The following FIBP variants were observed in gnomAD, a reference collection of about 807,000 sequenced individuals.
The protein encoded by FIBP is acidic fibroblast growth factor intracellular-binding protein.
In FIBP, 29 loss-of-function variants were observed where a neutral mutation model predicts 40.5. The observed-to-expected ratio is 0.72, with a 90% CI of 0.53 to 0.98. The LOEUF is 0.98. Among genes scored for constraint, FIBP ranks in the 50% least tolerant of loss-of-function variants. FIBP has a pLI of 0.00. For synonymous variants in FIBP, 215 were observed against 191.1 expected (o/e 1.13, Z -1.03); for missense variants, 411 against 470.2 (o/e 0.87, Z 1.16).
chr11:65,888,144 AC>A lies in FIBP; in HGVS notation c.86-13del. 1.3e-6 allele frequency: 2 copies of A among 1,550,754 alleles called. No homozygotes were observed. Among genetic ancestry groups the A allele is most frequent in the Non-Finnish European group, 1.7e-6 (2 of 1,150,490 alleles). ...CACCGCGTCGGTCACTGGAAAGCGG[AC>A]GCTAGCATCAGGCCCCGCCCCGCCG... is the stretch of plus-strand genomic sequence containing the variant. On this transcript the variant is annotated splice_polypyrimidine_tract_variant and intron_variant, in intron 1 of 9. Transcript: ENST00000357519.
intron 3 of FIBP, 168 bp from the exon 4 acceptor site, chr11:65,886,590 TG>T (rs1860244323): frequency 1.7e-6 from 1 of 574,340 alleles, no homozygotes; most frequent in Admixed American, 2.9e-5. Context: ...TATTAGTACT[TG>T]TTATCAAATC....
In FIBP at chr11:65,885,639, AAAG is replaced by A; in HGVS notation, c.534_536del (p.Phe179del). 1.9e-6 allele frequency: 3 copies of A among 1,614,118 alleles called. No individual in the cohort carries two copies. The highest frequency in any genetic ancestry group is 2.5e-6 in the Non-Finnish European group (3 of 1,179,962). ...TCCCTGTCTCAAAGCGGTTGTTAGC[AAAG>A]AAGACGATGGCTGCATAGTCCCTGC... On this transcript the variant is annotated inframe_deletion, in exon 5 of 10. Transcript: ENST00000357519.
intron 3 of FIBP, 74 bp downstream of exon 3, chr11:65,887,526 G>A (rs1591079048): frequency 6.6e-7 from 1 of 1,514,168 alleles, no homozygotes; most frequent in Non-Finnish European, 9.1e-7. Flanking sequence ...TCAGAGGCTG[G>A]AACTGGGCCA....
Position 65,883,853 on chromosome 11 carries a change from A to G in FIBP, c.*121T>C. ...ACATCCATCCTTGTACACGGACACC[A>G]GGTGCTCAGAGACAGACACAGGCAC... On this transcript the variant is annotated 3_prime_UTR_variant, in exon 10 of 10. Coordinates refer to ENST00000357519, the MANE Select transcript of FIBP (RefSeq NM_004214.5). The G allele has an allele frequency of 1.2e-6, 1 of 857,970 alleles. No individual in the cohort carries two copies. 53.1% of individuals were successfully genotyped at this position (857,970 alleles called of 1,614,324 possible).
chr11:65,884,402 CGAGGGAGTG>C lies in FIBP; in HGVS notation c.985_993del (p.His329_Leu331del). ...GACAGGGCTGCTCACCGGAAGCCAT[CGAGGGAGTG>C]GACAGACGCTGAATACTGATTCAGG... On this transcript the variant is annotated inframe_deletion, in exon 9 of 10. Transcript: ENST00000357519. 3.7e-6 allele frequency: 6 copies of C among 1,613,850 alleles called. No individual in the cohort carries two copies. Among genetic ancestry groups the C allele is most frequent in the Non-Finnish European group, 5.1e-6 (6 of 1,179,906 alleles).
intron 4 of FIBP, 29 bp downstream of exon 4, chr11:65,886,293 G>T: frequency 6.7e-7 from 1 of 1,498,394 alleles, no homozygotes; most frequent in Non-Finnish European, 9.3e-7. Flanking sequence ...GAAGTAGTGT[G>T]CGGGATGGGG....
At chr11:65,887,811 C>T in intron 2 of FIBP, 85 bp from the exon 3 acceptor site, 2 of 1,595,946 alleles carry the variant, frequency 1.3e-6, no homozygotes, top group Non-Finnish European at 1.7e-6. Flanking sequence ...TAGGTCTGAC[C>T]CCTTCCACTC....
rs1457395324 is a variant in FIBP at position 65,883,970 on chromosome 11, C to T, written c.*4G>A. ...TCAGCGTGGGCGGAGCGTTGGGAGG[C>T]ACCTCAGTCATGATACAGGCGCAGG... is the stretch of plus-strand genomic sequence containing the variant. On this transcript the variant is annotated 3_prime_UTR_variant, in exon 10 of 10. Transcript: ENST00000357519. 6.2e-7 allele frequency: 1 copy of T among 1,613,502 alleles called. No homozygotes were observed. Among genetic ancestry groups the T allele is most frequent in the Non-Finnish European group, 8.5e-7 (1 of 1,179,708 alleles).
intron 7 of FIBP, 27 bp from the exon 8 acceptor site, chr11:65,884,683 T>A: frequency 6.2e-7 from 1 of 1,611,864 alleles, no homozygotes; most frequent in South Asian, 1.1e-5. Flanking sequence ...CTTGGAGCTC[T>A]GCTTTCTGCC....
chr11:65,885,045 C>T, intron 6 of FIBP, 33 bp downstream of exon 6: 1 of 1,613,146 alleles, frequency 6.2e-7, no homozygotes, highest in African/African-American at 1.3e-5. Flanking sequence ...GCCCCTACTG[C>T]AGGCCCCGCC....
At chr11:65,886,737 G>T in intron 3 of FIBP, 1 of 263,614 alleles carries the variant, frequency 3.8e-6, no homozygotes, top group Non-Finnish European at 7.2e-6. Flanking sequence ...TCCTGGCTAA[G>T]CCCTAGAAAC....
chr11:65,884,861 C>A, intron 7 of FIBP, 74 bp downstream of exon 7: 1 of 1,564,290 alleles, frequency 6.4e-7, no homozygotes, highest in Non-Finnish European at 8.8e-7. Flanking sequence ...CTGGCAGGGG[C>A]AGAGCTGCCC....
intron 5 of FIBP, 95 bp from the exon 6 acceptor site, chr11:65,885,281 G>T (rs950476875): frequency 9.2e-7 from 1 of 1,081,694 alleles, no homozygotes; most frequent in Non-Finnish European, 1.4e-6. Flanking sequence ...TCCCCCCTGG[G>T]GACAAAAGAG....
chr11:65,884,917 C>A lies in FIBP; in HGVS notation c.819+18G>T. ...GGCTGAAGATGCCAAGGGTCAGAGG[C>A]TGGATGGGACCACAGACCTTGAAGT... is the stretch of plus-strand genomic sequence containing the variant. On this transcript the variant is annotated intron_variant, in intron 7 of 9. Coordinates refer to ENST00000357519, the MANE Select transcript of FIBP (RefSeq NM_004214.5). 6.2e-7 allele frequency: 1 copy of A among 1,613,958 alleles called. No homozygotes were observed.
At chr11:65,884,105 C>T (rs1860164237) in intron 9 of FIBP, 62 bp from the exon 10 acceptor site, 12 of 1,330,962 alleles carry the variant, frequency 9.0e-6, no homozygotes, top group Non-Finnish European at 1.2e-5. Flanking sequence ...GGAGGCCCTG[C>T]CCTGCGTGCT....
intron 3 of FIBP, chr11:65,887,135 GTAC>G (rs1860256614): frequency 3.1e-6 from 1 of 325,674 alleles, no homozygotes; most frequent in African/African-American, 2.2e-5. Flanking sequence ...TGGCCATACA[GTAC>G]AGGATAGCTT....
chr11:65,884,192 G>A (rs1207369014), intron 9 of FIBP, 149 bp from the exon 10 acceptor site: 2 of 768,416 alleles, frequency 2.6e-6, no homozygotes, highest in South Asian at 3.5e-5. Context: ...TGTACATGAG[G>A]AAACTGAGGC....
intron 9 of FIBP, 71 bp downstream of exon 9, chr11:65,884,321 C>T: frequency 2.1e-6 from 3 of 1,396,228 alleles, no homozygotes; most frequent in Non-Finnish European, 3.0e-6. Context: ...CTTGAGTCTG[C>T]AGGAGGCGAG....
intron 2 of FIBP, 85 bp from the exon 3 acceptor site, chr11:65,887,811 C>G (rs1860278798): frequency 6.3e-7 from 1 of 1,595,826 alleles, no homozygotes; most frequent in Non-Finnish European, 8.6e-7. Context: ...TAGGTCTGAC[C>G]CCTTCCACTC....
Sources: allele counts gnomAD v4.1 joint callset, GRCh38; gene constraint gnomAD v4.1.1; transcripts MANE v1.5; gene names NCBI Gene and HGNC (gene_info 2026-07-23, HGNC 2026-07-21).